Variants in DPRX observed in about 807,000 individuals in gnomAD.
DPRX encodes the protein divergent-paired related homeobox, also known as divergent paired-related homeobox.
In DPRX, 11 loss-of-function variants were observed where a neutral mutation model predicts 8.4. That is an observed-to-expected ratio of 1.31 (90% confidence interval 0.82 to 2.17). The LOEUF (loss-of-function observed/expected upper bound fraction) is 2.17, where lower values mean the gene tolerates loss of function less well. Ranked by LOEUF, DPRX falls within the 30% of genes most tolerant of loss-of-function variation. The probability of loss-of-function intolerance (pLI) is 0.00; values close to 1 mark genes in which losing one functional copy is unlikely to be tolerated. For synonymous variants in DPRX, 72 were observed against 87.0 expected, an observed-to-expected ratio of 0.83 and a Z score of 0.96; for missense variants, 211 against 236.7, an observed-to-expected ratio of 0.89 and a Z score of 0.71.
chr19:53,622,037 G>A, the DPRX span, among the ~76,000 whole-genome samples: 1 of 152,068 alleles, frequency 6.6e-6, no homozygotes. Flanking sequence ...GGTGACTCAG[G>A]CCTTTGTTTC....
chr19:53,624,614 C>A, the DPRX span, among the ~76,000 whole-genome samples: 3 of 151,716 alleles, frequency 2.0e-5, no homozygotes, highest in African/African-American at 7.3e-5. Flanking sequence ...GGGGTTTCAC[C>A]ATGTTGGCCA....
chr19:53,636,142 C>T (rs1033312083), intron 2 of DPRX, among the ~76,000 whole-genome samples: 13 of 151,870 alleles, frequency 8.6e-5, no homozygotes, highest in Admixed American at 5.9e-4. Context: ...CCGAGGTGGG[C>T]GGATCATGAG....
the DPRX span, among the ~76,000 whole-genome samples, chr19:53,607,689 C>T: frequency 7.7e-5 from 10 of 129,090 alleles, no homozygotes; most frequent in East Asian, 6.9e-4. Context: ...CCGTCTCTAC[C>T]AAAAAAAAAA....
upstream of DPRX, among the ~76,000 whole-genome samples, chr19:53,631,584 A>T (rs1479950923): frequency 6.6e-6 from 1 of 151,892 alleles, no homozygotes. Flanking sequence ...CATGGCGGAA[A>T]CTCCGTCTCT....
the DPRX span, among the ~76,000 whole-genome samples, chr19:53,626,865 AT>A: frequency 2.0e-5 from 3 of 151,586 alleles, no homozygotes; most frequent in South Asian, 4.2e-4. Context: ...CGCCTGGCTA[AT>A]TTTTTTTGTA....
chr19:53,631,623 G>T (rs2122159045), upstream of DPRX, among the ~76,000 whole-genome samples: 1 of 152,202 alleles, frequency 6.6e-6, no homozygotes, highest in South Asian at 2.1e-4. Context: ...AGTCAGGAGT[G>T]GTGGCACAGG....
At chr19:53,626,528 TGGGAGACAGA>T in the DPRX span, among the ~76,000 whole-genome samples, 732 of 152,284 alleles carry the variant, frequency 4.8e-3, 4 homozygotes, top group Admixed American at 0.013. Context: ...CACTCCAGCC[TGGGAGACAGA>T]GGGAGACTCT....
chr19:53,627,511 A>G (rs2122150971), upstream of DPRX, among the ~76,000 whole-genome samples: 1 of 144,534 alleles, frequency 6.9e-6, no homozygotes. Context: ...ATCTTGGCTC[A>G]CTGCAACCTC....
chr19:53,616,112 C>T, the DPRX span, among the ~76,000 whole-genome samples: 31 of 151,704 alleles, frequency 2.0e-4, no homozygotes, highest in East Asian at 1.9e-4. Context: ...ATTAGCTGGG[C>T]GTGGTGGTGC....
chr19:53,601,541 G>C, the DPRX span, among the ~76,000 whole-genome samples: 1 of 150,622 alleles, frequency 6.6e-6, no homozygotes, highest in Non-Finnish European at 1.5e-5. Context: ...GAGTGCAGTG[G>C]CGCGATCTCA....
the DPRX span, chr19:53,606,627 G>A: frequency 6.5e-6 from 1 of 153,022 alleles, no homozygotes; most frequent in Non-Finnish European, 1.5e-5. The surrounding 1 kb of genome is among the most constrained non-coding windows in gnomAD (Gnocchi z 4.8). Flanking sequence ...GTGCCCAAGG[G>A]GATGGAGCGG....
the DPRX span, among the ~76,000 whole-genome samples, chr19:53,622,288 G>T: frequency 6.6e-6 from 1 of 152,038 alleles, no homozygotes; most frequent in African/African-American, 2.4e-5. Flanking sequence ...GGAATTTAGG[G>T]GTTTATGGGC....
chr19:53,611,146 A>C, the DPRX span, among the ~76,000 whole-genome samples: 22,412 of 151,978 alleles, frequency 0.15, 1,829 homozygotes, highest in South Asian at 0.27. Flanking sequence ...AGGTGATCCA[A>C]CTGCCTCGGC....
At chr19:53,607,786 G>A in the DPRX span, among the ~76,000 whole-genome samples, 2 of 151,906 alleles carry the variant, frequency 1.3e-5, no homozygotes, top group Admixed American at 1.3e-4. Context: ...GGGAGGCAGA[G>A]GTTGCAGTGA....
chr19:53,628,530 G>T (rs1600568056), upstream of DPRX, among the ~76,000 whole-genome samples: 1 of 151,770 alleles, frequency 6.6e-6, no homozygotes, highest in Non-Finnish European at 1.5e-5. Flanking sequence ...CGGTTCGGTG[G>T]CATTTAGTAC....
At chr19:53,617,194 G>C in the DPRX span, 5 of 967,576 alleles carry the variant, frequency 5.2e-6, no homozygotes, top group Non-Finnish European at 8.5e-6. Flanking sequence ...GTGTCCTATT[G>C]AGTTTTTTTC....
chr19:53,602,307 T>C, the DPRX span: 1 of 309,500 alleles, frequency 3.2e-6, no homozygotes, highest in Non-Finnish European at 6.3e-6. Context: ...TGTGTGTGTG[T>C]GTGTGCCAGC....
chr19:53,612,773 G>T, the DPRX span, among the ~76,000 whole-genome samples: 1 of 152,102 alleles, frequency 6.6e-6, no homozygotes, highest in Non-Finnish European at 1.5e-5. Flanking sequence ...AAGGAAGAAA[G>T]AAAAGAAATA....
At chr19:53,625,990 G>A in the DPRX span, among the ~76,000 whole-genome samples, 1 of 152,024 alleles carries the variant, frequency 6.6e-6, no homozygotes, top group Non-Finnish European at 1.5e-5. Context: ...AGGCTAGAGT[G>A]CAGGGGCATA....
Sources: allele counts gnomAD v4.1 joint callset (sites outside exome capture counted in the v4.1 genomes callset), GRCh38; gene constraint gnomAD v4.1.1; non-coding constraint Gnocchi (gnomAD v3.1); transcripts MANE v1.5; gene names NCBI Gene and HGNC (gene_info 2026-07-23, HGNC 2026-07-21).